CDHR2: variants seen among roughly 807,000 people sequenced by gnomAD.
CDHR2 encodes the protein cadherin related family member 2, also known as cadherin-related family member 2.
CDHR2 carries 104 observed loss-of-function variants against 138.6 expected under a neutral mutation model. That is an observed-to-expected ratio of 0.75 (90% confidence interval 0.64 to 0.88). CDHR2 has a LOEUF of 0.88. CDHR2 is among the 40% of genes least tolerant of loss of function. The probability of loss-of-function intolerance (pLI) is 0.00; values close to 1 mark genes in which losing one functional copy is unlikely to be tolerated. For synonymous variants in CDHR2, 755 were observed against 742.8 expected (o/e 1.02, Z -0.27); for missense variants, 1,624 against 1,727.6 (o/e 0.94, Z 1.06).
At chr5:176,575,928 T>G in intron 11 of CDHR2, 24 bp from the exon 12 acceptor site, 1 of 1,600,810 alleles carries the variant, frequency 6.2e-7, no homozygotes, top group Non-Finnish European at 8.5e-7. Context: ...CTCTCTGCCC[T>G]CTGCCCTCTG....
At position 176,565,662 on chromosome 5, in the gene CDHR2, G is replaced by A. The variant is rs1240226795; in HGVS notation, c.53-10G>A. ...GTGTCCCGATGTTCCAGCACACTGT[G>A]TCCCTACAGTGGCAGCCAACGTGGC... On this transcript the variant is annotated splice_polypyrimidine_tract_variant and intron_variant, in intron 2 of 31. Transcript: ENST00000261944. The A allele has an allele frequency of 6.2e-7, 1 of 1,611,848 alleles. No individual in the cohort carries two copies. The highest frequency in any genetic ancestry group is 8.5e-7 in the Non-Finnish European group (1 of 1,178,180).
chr5:176,559,332 GT>G (rs1400842807), intron 1 of CDHR2, among the ~76,000 whole-genome samples: 1 of 152,204 alleles, frequency 6.6e-6, no homozygotes, highest in African/African-American at 2.4e-5. Flanking sequence ...CTCCAGGATT[GT>G]TACCGAAAAG....
At position 176,576,139 on chromosome 5, in the gene CDHR2, G is replaced by C. The variant is rs369221587; in HGVS notation, c.1148G>C (p.Arg383Pro). Residue 383 changes from arginine to proline, a missense_variant, in exon 12 of 32, where the codon CGC (arginine) becomes CCC (proline). Arg to Pro is a moderately radical substitution (Grantham distance 103). Transcript: ENST00000261944. This position sits in a 1 kb window ranked among gnomAD's most constrained non-coding sequence, Gnocchi z 4.5. ...TGYVDEHASP[R>P]IPIDDLTMVV... is the part of the protein sequence containing the mutation. Reference sequence around the variant, plus strand: ...TACGTGGACGAGCATGCCTCCCCCCGCATCCCCATCGATGACCTCACCATG... The same window carrying C: ...TACGTGGACGAGCATGCCTCCCCCCCCATCCCCATCGATGACCTCACCATG... 9 of 1,613,798 alleles carry C rather than the reference G, an allele frequency of 5.6e-6. No individual in the cohort carries two copies. Among genetic ancestry groups the C allele is most frequent in the Non-Finnish European group, 7.6e-6 (9 of 1,179,990 alleles).
intron 1 of CDHR2, among the ~76,000 whole-genome samples, chr5:176,557,444 G>T (rs991974928): frequency 1.3e-5 from 2 of 152,022 alleles, no homozygotes; most frequent in African/African-American, 4.8e-5. Flanking sequence ...GAGCTCAAGT[G>T]GTCCATCTGC....
chr5:176,581,205 T>A, intron 16 of CDHR2, 138 bp from the exon 17 acceptor site: 2 of 1,128,538 alleles, frequency 1.8e-6, no homozygotes, highest in African/African-American at 3.1e-5. Context: ...AAACTGGGGC[T>A]GGGAGATGGG....
intron 21 of CDHR2, 142 bp downstream of exon 21, chr5:176,586,984 T>A: frequency 1.5e-6 from 1 of 669,084 alleles, no homozygotes; most frequent in Non-Finnish European, 2.6e-6. Context: ...AACCAACACC[T>A]GTCTAATCAA....
upstream of CDHR2, among the ~76,000 whole-genome samples, chr5:176,546,662 T>A (rs191988226): frequency 1.7e-4 from 26 of 148,580 alleles, no homozygotes; most frequent in Non-Finnish European, 3.4e-4. Flanking sequence ...GGCTCACACC[T>A]GTAATCCTAG....
chr5:176,564,081 A>T (rs1054857088), intron 1 of CDHR2, among the ~76,000 whole-genome samples: 1 of 152,242 alleles, frequency 6.6e-6, no homozygotes, highest in Admixed American at 6.5e-5. Flanking sequence ...AGCACAGTGA[A>T]CATAGAGCAT....
Position 176,565,507 on chromosome 5 carries a change from T to C in CDHR2, c.52+103T>C, listed in dbSNP as rs1309862056. On this transcript the variant is annotated intron_variant, in intron 2 of 31. Coordinates refer to ENST00000261944, the MANE Select transcript of CDHR2 (RefSeq NM_017675.6). ...CCTCATCAGCAAACACCAGCTCCTA[T>C]GGGCCAGCCCTGTGCTTGGCTAAGC... 7.5e-6 allele frequency: 10 copies of C among 1,330,584 alleles called. No homozygotes were observed. The East Asian group carries it at 1.6e-4, about 22-fold the overall frequency. The allele number at this position is 1,330,584 out of a possible 1,614,324, so 82.4% of individuals were successfully genotyped here. A position where few individuals can be genotyped will look rare whatever the true frequency, so the allele number is the denominator to read the frequency against.
intron 1 of CDHR2, among the ~76,000 whole-genome samples, chr5:176,555,918 C>T (rs1300003704): frequency 6.7e-6 from 1 of 149,666 alleles, no homozygotes; most frequent in African/African-American, 2.6e-5. Context: ...ACAAAAAAAA[C>T]CCCCTCTGAA....
At position 176,581,378 on chromosome 5, in the gene CDHR2, C is replaced by T. The variant is rs761763572; in HGVS notation, c.1854C>T (p.Ser618=). ...HDNDEPGTNN[S]RLLFNLLPGP... is the part of the protein sequence containing the mutation. Reference sequence around the variant, plus strand: ...ATGATGAGCCGGGCACCAACAACAGCCGTCTGCTCTTCAACCTGCTGCCTG... The same window carrying T: ...ATGATGAGCCGGGCACCAACAACAGTCGTCTGCTCTTCAACCTGCTGCCTG... The change falls in exon 17 of 32, where the codon AGC becomes AGT. Residue 618 remains serine (S), a synonymous_variant. Coordinates refer to ENST00000261944, the MANE Select transcript of CDHR2 (RefSeq NM_017675.6). The T allele has an allele frequency of 2.1e-5, 34 of 1,613,842 alleles. 1 individual carries two copies. The Admixed American group carries it at 4.7e-4, about 22-fold the overall frequency.
chr5:176,546,410 C>T (rs997417115), upstream of CDHR2, among the ~76,000 whole-genome samples: 1 of 152,122 alleles, frequency 6.6e-6, no homozygotes, highest in African/African-American at 2.4e-5. Flanking sequence ...CGAAAACTAA[C>T]ATTCATTGAG....
At chr5:176,580,156 ACT>A (rs903458730) in intron 16 of CDHR2, among the ~76,000 whole-genome samples, 24 of 148,864 alleles carry the variant, frequency 1.6e-4, no homozygotes, top group Admixed American at 1.3e-3. Flanking sequence ...TCACACACAC[ACT>A]CACACACGCA....
chr5:176,589,295 T>C (rs1336259002), intron 22 of CDHR2, 35 bp from the exon 23 acceptor site: 1 of 1,564,970 alleles, frequency 6.4e-7, no homozygotes, highest in Middle Eastern at 1.7e-4. Flanking sequence ...TCAGCTTGGG[T>C]TCCAAGACTG....
At chr5:176,562,349 A>C (rs1053490675) in intron 1 of CDHR2, among the ~76,000 whole-genome samples, 3 of 131,812 alleles carry the variant, frequency 2.3e-5, no homozygotes, top group Admixed American at 2.2e-4. Flanking sequence ...AGAGAAACAG[A>C]GGAGGCTGCA....
In CDHR2 at chr5:176,578,085, C is replaced by G. The variant is rs768623023; in HGVS notation, c.1564C>G (p.Pro522Ala). Reference sequence around the variant, plus strand: ...GGGCCAAATTACCTACAGCCTGCTCCCAGGAAATGGGTAAGGGCTCAGGGT... The same window carrying G: ...GGGCCAAATTACCTACAGCCTGCTCGCAGGAAATGGGTAAGGGCTCAGGGT... ...AWGQITYSLL[P>A]GNGADLFQVD... is the part of the protein sequence containing the mutation. Residue 522 changes from proline (P) to alanine (A), a missense_variant, in exon 15 of 32, where the codon CCA (proline) becomes GCA (alanine). Transcript: ENST00000261944. 3.1e-6 allele frequency: 5 copies of G among 1,612,748 alleles called. No individual in the cohort carries two copies. Among genetic ancestry groups the G allele is most frequent in the Non-Finnish European group, 4.2e-6 (5 of 1,179,112 alleles).
In CDHR2 at chr5:176,578,103, C is replaced by G; in HGVS notation, c.1574+8C>G. The G allele has an allele frequency of 6.2e-7, 1 of 1,610,554 alleles. No homozygotes were observed. The highest frequency in any genetic ancestry group is 2.2e-5 in the East Asian group (1 of 44,754). ...CCTGCTCCCAGGAAATGGGTAAGGG[C>G]TCAGGGTGGGCCGTAGGCAGGTGGG... On this transcript the variant is annotated splice_region_variant and intron_variant, in intron 15 of 31. Transcript: ENST00000261944.
At chr5:176,580,294 C>G (rs1281996364) in intron 16 of CDHR2, among the ~76,000 whole-genome samples, 1 of 151,894 alleles carries the variant, frequency 6.6e-6, no homozygotes, top group Non-Finnish European at 1.5e-5. Context: ...TTTGGGAGGC[C>G]GAGGTGGGTG....
intron 1 of CDHR2, among the ~76,000 whole-genome samples, chr5:176,551,476 A>G (rs1757704305): frequency 6.6e-6 from 1 of 151,420 alleles, no homozygotes; most frequent in Non-Finnish European, 1.5e-5. Context: ...GATAGTCCCC[A>G]TTTTAAATTA....
Sources: allele counts gnomAD v4.1 joint callset (sites outside exome capture counted in the v4.1 genomes callset), GRCh38; gene constraint gnomAD v4.1.1; non-coding constraint Gnocchi (gnomAD v3.1); transcripts MANE v1.5; gene names NCBI Gene and HGNC (gene_info 2026-07-23, HGNC 2026-07-21).